UGT1A7: variants seen among roughly 807,000 people sequenced by gnomAD.
UGT1A7 encodes UDP glucuronosyltransferase family 1 member A7.
In UGT1A7, 33 loss-of-function variants were observed where a neutral mutation model predicts 45.6. The observed-to-expected ratio is 0.72, with a 90% CI of 0.55 to 0.97. UGT1A7 has a LOEUF of 0.97. Among genes scored for constraint, UGT1A7 ranks in the 50% least tolerant of loss-of-function variants. The pLI is 0.00. For missense variants in UGT1A7, 684 were observed against 666.2 expected, an observed-to-expected ratio of 1.03 and a Z score of -0.29; for synonymous variants, 274 against 250.6, an observed-to-expected ratio of 1.09 and a Z score of -0.88.
intron 4 of UGT1A7, chr2:233,770,632 T>G (rs561537548): frequency 1.3e-5 from 2 of 150,950 alleles, no homozygotes; most frequent in Admixed American, 6.6e-5. Flanking sequence ...CACTCCAGCC[T>G]GGGCGACAGA....
Position 233,768,226 on chromosome 2 carries a change from C to A in UGT1A7, c.1082C>A (p.Pro361Gln). The A allele has an allele frequency of 6.2e-7, 1 of 1,614,202 alleles. No homozygotes were observed. The highest frequency in any genetic ancestry group is 8.5e-7 in the Non-Finnish European group (1 of 1,180,042). ...TCCCTATTTTGCATCTCAGGTCACC[C>A]GATGACCCGTGCCTTTATCACCCAT... ...WLPQNDLLGH[P>Q]MTRAFITHAG... Residue 361 changes from proline to glutamine, a missense_variant, in exon 4 of 5, where the codon CCG becomes CAG. Coordinates refer to ENST00000373426, the MANE Select transcript of UGT1A7 (RefSeq NM_019077.3).
intron 1 of UGT1A7, among the ~76,000 whole-genome samples, chr2:233,695,942 C>T (rs1440618319): frequency 6.6e-6 from 1 of 152,024 alleles, no homozygotes; most frequent in Non-Finnish European, 1.5e-5. Flanking sequence ...GCAATTCTGC[C>T]AGATACCAGC....
chr2:233,719,460 A>G (rs1246194509), intron 1 of UGT1A7: 3 of 1,613,974 alleles, frequency 1.9e-6, no homozygotes, highest in Non-Finnish European at 2.5e-6. Context: ...GGTCAAGAAC[A>G]TGCTCTACCC....
chr2:233,747,081 A>G (rs1196647513), intron 1 of UGT1A7: 7 of 1,127,108 alleles, frequency 6.2e-6, no homozygotes, highest in Non-Finnish European at 1.2e-6. Context: ...ATTAACTAGG[A>G]GGAGAGCACT....
intron 1 of UGT1A7, chr2:233,760,458 A>T (rs1336419159): frequency 6.2e-7 from 1 of 1,614,212 alleles, no homozygotes; most frequent in Non-Finnish European, 8.5e-7. Flanking sequence ...GACATGAAAT[A>T]GTTGTCCTAG....
chr2:233,768,302 G>A lies in UGT1A7; in HGVS notation c.1158G>A (p.Val386=). The change falls in exon 4 of 5, where the codon GTG becomes GTA. Residue 386 remains valine, a synonymous_variant. Coordinates refer to ENST00000373426, the MANE Select transcript of UGT1A7 (RefSeq NM_019077.3). Reference sequence around the variant, plus strand: ...GCATATGCAATGGCGTTCCCATGGTGATGATGCCCTTGTTTGGTGATCAGA... The same window carrying A: ...GCATATGCAATGGCGTTCCCATGGTAATGATGCCCTTGTTTGGTGATCAGA... ...YESICNGVPM[V]MMPLFGDQMD... is the part of the protein sequence containing the mutation. 1 of 1,614,228 alleles carries A rather than the reference G, an allele frequency of 6.2e-7. No homozygotes were observed. Among genetic ancestry groups the A allele is most frequent in the Non-Finnish European group, 8.5e-7 (1 of 1,180,048 alleles).
intron 1 of UGT1A7, among the ~76,000 whole-genome samples, chr2:233,697,345 G>A (rs1268533555): frequency 1.3e-5 from 2 of 151,914 alleles, no homozygotes; most frequent in Non-Finnish European, 2.9e-5. Context: ...TTTCCTCTAG[G>A]TTTTCTAATT....
intron 1 of UGT1A7, chr2:233,721,813 G>C: frequency 1.9e-6 from 1 of 515,244 alleles, no homozygotes; most frequent in South Asian, 1.4e-5. Context: ...CAAAAATCCA[G>C]CACCCTATTT....
chr2:233,718,782 C>T lies in UGT1A7; in HGVS notation c.855+35990C>T, dbSNP rs199517966. On this transcript the variant is annotated intron_variant, in intron 1 of 4. Coordinates refer to ENST00000373426, the MANE Select transcript of UGT1A7 (RefSeq NM_019077.3). ...AAGGAAACAAATGTAGCAGGCACAGCGTGGGGTGGACAGTCAGCTGTCGGT... is the reference window on the plus strand; with the variant it reads ...AAGGAAACAAATGTAGCAGGCACAGTGTGGGGTGGACAGTCAGCTGTCGGT... 246 of 1,612,936 alleles carry T rather than the reference C, an allele frequency of 1.5e-4. No individual in the cohort carries two copies. The East Asian group carries it at 2.9e-3, about 19-fold the overall frequency.
At chr2:233,716,406 A>T (rs2076503195) in intron 1 of UGT1A7, among the ~76,000 whole-genome samples, 1 of 152,042 alleles carries the variant, frequency 6.6e-6, no homozygotes, top group African/African-American at 2.4e-5. Flanking sequence ...TTAAAGTGAA[A>T]CCCACATCTT....
intron 1 of UGT1A7, among the ~76,000 whole-genome samples, chr2:233,701,252 G>A (rs1473537336): frequency 6.6e-6 from 1 of 152,058 alleles, no homozygotes; most frequent in Non-Finnish European, 1.5e-5. Flanking sequence ...AGATGGCTGG[G>A]TCAAATGGTA....
At chr2:233,740,062 C>A (rs6740653) in intron 1 of UGT1A7, among the ~76,000 whole-genome samples, 5,128 of 151,886 alleles carry the variant, frequency 0.034, 157 homozygotes, top group African/African-American at 0.051. Context: ...TACTCACAAG[C>A]TTTTCCTCTC....
At chr2:233,768,582 C>CTTTTTTTTTTTTT (rs139595073) in intron 4 of UGT1A7, 143 bp downstream of exon 4, 1 of 867,188 alleles carries the variant, frequency 1.2e-6, no homozygotes, top group Non-Finnish European at 1.4e-6. Context: ...TTTATTTCTT[C>CTTTTTTTTTTTTT]TTTTTTTTTT....
At chr2:233,742,458 C>T (rs1691985678) in intron 1 of UGT1A7, among the ~76,000 whole-genome samples, 1 of 151,914 alleles carries the variant, frequency 6.6e-6, no homozygotes, top group African/African-American at 2.4e-5. Context: ...GTTCCTTGCC[C>T]TTATTCCAGT....
chr2:233,721,696 T>C (rs1281841318), intron 1 of UGT1A7: 6 of 355,902 alleles, frequency 1.7e-5, no homozygotes, highest in Non-Finnish European at 2.8e-5. Flanking sequence ...GCAAGACGCA[T>C]GGCTCATCTT....
chr2:233,750,953 C>T (rs1348696377), intron 1 of UGT1A7, among the ~76,000 whole-genome samples: 2 of 151,802 alleles, frequency 1.3e-5, no homozygotes, highest in Non-Finnish European at 2.9e-5. Context: ...ACAGAGTCTC[C>T]ACTGGGGCAC....
chr2:233,756,509 C>T (rs138449392), intron 1 of UGT1A7, among the ~76,000 whole-genome samples: 7 of 151,986 alleles, frequency 4.6e-5, no homozygotes, highest in African/African-American at 1.7e-4. Context: ...TATGGAGGGT[C>T]AAATGTGCAT....
Position 233,681,944 on chromosome 2 carries a change from C to G in UGT1A7, c.7C>G (p.Arg3Gly). 2 of 1,612,684 alleles carry G rather than the reference C, an allele frequency of 1.2e-6. No homozygotes were observed. The highest frequency in any genetic ancestry group is 1.7e-6 in the Non-Finnish European group (2 of 1,179,140). ...TCTGGGCTGAAGTTCTCTGATGGCT[C>G]GTGCAGGGTGGACTGGCCTCCTTCC... MARAGWTGLLPLY... is the reference protein window; with the variant it reads MAGAGWTGLLPLY... Residue 3 changes from arginine to glycine, a missense_variant, in exon 1 of 5, where the codon CGT (arginine) becomes GGT (glycine). Transcript: ENST00000373426.
chr2:233,760,912 C>A (rs72551343), intron 1 of UGT1A7: 1 of 1,614,188 alleles, frequency 6.2e-7, no homozygotes, highest in South Asian at 1.1e-5. Context: ...CTTCCTGCAG[C>A]GGGTGAAGAA....
Sources: gnomAD v4.1 joint callset for allele counts (sites outside exome capture counted in the v4.1 genomes callset) on GRCh38, gnomAD v4.1.1 for gene constraint, MANE v1.5 for transcripts, NCBI Gene and HGNC (gene_info 2026-07-23, HGNC 2026-07-21) for gene names.